NDST3: variants seen among roughly 807,000 people sequenced by gnomAD.
NDST3 encodes N-deacetylase and N-sulfotransferase 3.
A neutral mutation model predicts 96.1 loss-of-function variants in NDST3; 58 were observed. The observed-to-expected ratio is 0.60, with a 90% CI of 0.49 to 0.75. NDST3 has a LOEUF of 0.75. NDST3 is among the 30% of genes least tolerant of loss of function. The probability of loss-of-function intolerance (pLI) is 0.00; values close to 1 mark genes in which losing one functional copy is unlikely to be tolerated. For missense variants in NDST3, 788 were observed against 1,034.2 expected (o/e 0.76, Z 3.27); for synonymous variants, 333 against 359.7 (o/e 0.93, Z 0.84).
intron 3 of NDST3, among the ~76,000 whole-genome samples, chr4:118,110,924 C>T (rs950953381): frequency 1.3e-5 from 2 of 151,996 alleles, no homozygotes; most frequent in African/African-American, 4.8e-5. Context: ...AGGTGTCCAT[C>T]AATGGTGGAT....
chr4:118,255,827 C>G lies in NDST3; in HGVS notation c.*115C>G, dbSNP rs949535172. ...TACCTCTTCAAATGAGAAAAAAGAA[C>G]AGTTTCTTCCATGTGCTGGCACGTG... On this transcript the variant is annotated 3_prime_UTR_variant, in exon 14 of 14. Transcript: ENST00000296499. 1.7e-6 allele frequency: 2 copies of G among 1,206,488 alleles called. No homozygotes were observed. The highest frequency in any genetic ancestry group is 1.5e-5 in the African/African-American group (1 of 64,898). The allele number at this position is 1,206,488 out of a possible 1,614,324, so 74.7% of individuals were successfully genotyped here. A position where few individuals can be genotyped will look rare whatever the true frequency, so the allele number is the denominator to read the frequency against.
chr4:118,114,024 A>G (rs551413124), intron 3 of NDST3, among the ~76,000 whole-genome samples: 1 of 152,248 alleles, frequency 6.6e-6, no homozygotes, highest in Admixed American at 6.5e-5. Flanking sequence ...GCCAAGGAAA[A>G]TGGGAGGAAA....
chr4:118,148,019 C>A (rs115287574), intron 6 of NDST3, among the ~76,000 whole-genome samples: 10,130 of 152,204 alleles, frequency 0.067, 458 homozygotes, highest in Non-Finnish European at 0.1. Flanking sequence ...TGCCAATGGG[C>A]CAGGCGCAGT....
Position 118,054,500 on chromosome 4 carries a change from C to T in NDST3, c.590C>T (p.Pro197Leu), listed in dbSNP as rs1326319447. The change falls in exon 2 of 14, where the codon CCT becomes CTT. Residue 197 changes from proline (P) to leucine (L), a missense_variant. Transcript: ENST00000296499. ...NLAVKDCCINPHSPLIRVTKS... is the reference protein window; with the variant it reads ...NLAVKDCCINLHSPLIRVTKS... The stretch of plus-strand genomic sequence containing the variant: ...GCAGTAAAAGATTGTTGTATTAATC[C>T]TCATTCTCCATTGATTCGTGTGACC... 3 of 1,613,110 alleles carry T rather than the reference C, an allele frequency of 1.9e-6. No individual in the cohort carries two copies. Among genetic ancestry groups the T allele is most frequent in the African/African-American group, 1.3e-5 (1 of 74,908 alleles).
At chr4:118,085,491 T>C (rs1728350290) in intron 2 of NDST3, among the ~76,000 whole-genome samples, 1 of 152,218 alleles carries the variant, frequency 6.6e-6, no homozygotes, top group Non-Finnish European at 1.5e-5. Flanking sequence ...TAGATTGATG[T>C]TATAATATTG....
At chr4:118,157,927 T>C (rs547609497) in intron 6 of NDST3, among the ~76,000 whole-genome samples, 4 of 152,264 alleles carry the variant, frequency 2.6e-5, no homozygotes, top group African/African-American at 7.2e-5. Flanking sequence ...TAGTGAAATA[T>C]AGGACAAAAG....
rs947836725 is a variant in NDST3 at position 118,204,667 on chromosome 4, A to G, written c.1540-19824A>G. ...TATGCCAAACTTAAAGTATGTAAGG[A>G]AGCAACTTTAGGATAAACTTGATTT... is the stretch of plus-strand genomic sequence containing the variant. On this transcript the variant is annotated intron_variant, in intron 6 of 13. Coordinates refer to ENST00000296499, the MANE Select transcript of NDST3 (RefSeq NM_004784.3). Among the ~76,000 whole-genome samples, 4 of 144,878 alleles carry G rather than the reference A, an allele frequency of 2.8e-5. 1 individual carries two copies. The highest frequency in any genetic ancestry group is 1.0e-4 in the African/African-American group (4 of 39,234).
At chr4:118,200,149 C>T (rs948634984) in intron 6 of NDST3, among the ~76,000 whole-genome samples, 4 of 152,182 alleles carry the variant, frequency 2.6e-5, no homozygotes, top group African/African-American at 9.6e-5. Flanking sequence ...TTCTCCAAGC[C>T]CAAGCTCCAG....
chr4:118,054,588 T>C lies in NDST3; in HGVS notation c.678T>C (p.Asn226=). ...PGTDWTVFQI[N]HSAYQPVIFA... ...CTGACTGGACAGTTTTTCAGATTAA[T>C]CATTCAGCCTATCAACCAGTAATAT... The change falls in exon 2 of 14, where the codon AAT becomes AAC. Residue 226 remains asparagine, a synonymous_variant. Coordinates refer to ENST00000296499, the MANE Select transcript of NDST3 (RefSeq NM_004784.3). 1 of 1,613,352 alleles carries C rather than the reference T, an allele frequency of 6.2e-7. No homozygotes were observed. Among genetic ancestry groups the C allele is most frequent in the Non-Finnish European group, 8.5e-7 (1 of 1,179,496 alleles).
Position 118,226,904 on chromosome 4 carries a change from C to T in NDST3, c.1741C>T (p.Arg581Cys), listed in dbSNP as rs769150711. ...CATTTAGAATCCTTGCGATGACAAACGCCACAGAGACATTTGGTCTAAAGA... is the reference window on the plus strand; with the variant it reads ...CATTTAGAATCCTTGCGATGACAAATGCCACAGAGACATTTGGTCTAAAGA... ...PLWQNPCDDK[R>C]HRDIWSKEKT... The change falls in exon 8 of 14, where the codon CGC becomes TGC. Residue 581 changes from arginine (R) to cysteine (C), a missense_variant. By Grantham distance (180) the Arg-to-Cys change is radical. Coordinates refer to ENST00000296499, the MANE Select transcript of NDST3 (RefSeq NM_004784.3). 4 of 1,611,678 alleles carry T rather than the reference C, an allele frequency of 2.5e-6. No homozygotes were observed. The highest frequency in any genetic ancestry group is 3.4e-6 in the Non-Finnish European group (4 of 1,179,194).
intron 4 of NDST3, among the ~76,000 whole-genome samples, chr4:118,120,639 A>C (rs113624420): frequency 6.6e-6 from 1 of 152,162 alleles, no homozygotes. Context: ...GCCTGAGAAC[A>C]GCAATCTCTC....
At chr4:118,134,739 A>G (rs898841446) in intron 4 of NDST3, among the ~76,000 whole-genome samples, 12 of 152,144 alleles carry the variant, frequency 7.9e-5, no homozygotes, top group African/African-American at 2.9e-4. Context: ...TAAGACTATT[A>G]ATTCCACTTG....
At chr4:118,146,247 T>G (rs1042297800) in intron 6 of NDST3, among the ~76,000 whole-genome samples, 3 of 152,200 alleles carry the variant, frequency 2.0e-5, no homozygotes, top group Non-Finnish European at 1.5e-5. Context: ...ATTTGAAAGA[T>G]AGCCATTGTA....
intron 1 of NDST3, among the ~76,000 whole-genome samples, chr4:118,044,846 A>C (rs1724666299): frequency 6.6e-6 from 1 of 152,064 alleles, no homozygotes; most frequent in Non-Finnish European, 1.5e-5. Flanking sequence ...AGCCAGCCAA[A>C]CTTGCTTTTA....
intron 10 of NDST3, among the ~76,000 whole-genome samples, chr4:118,239,741 G>A (rs577471779): frequency 6.6e-6 from 1 of 152,278 alleles, no homozygotes; most frequent in Admixed American, 6.5e-5. Flanking sequence ...AGAGTTTGTA[G>A]TCCAGTGATT....
intron 6 of NDST3, among the ~76,000 whole-genome samples, chr4:118,203,191 A>C (rs11931409): frequency 0.012 from 1,806 of 152,212 alleles, 32 homozygotes; most frequent in African/African-American, 0.041. Flanking sequence ...CTAACTTTTC[A>C]ATATGCTGCT....
At chr4:118,218,730 T>C (rs189595564) in intron 6 of NDST3, among the ~76,000 whole-genome samples, 1 of 152,148 alleles carries the variant, frequency 6.6e-6, no homozygotes, top group East Asian at 1.9e-4. Context: ...GGTATTCAGA[T>C]AGGAAGAGAG....
At chr4:118,114,732 A>G in intron 3 of NDST3, 74 bp from the exon 4 acceptor site, 1 of 1,469,784 alleles carries the variant, frequency 6.8e-7, no homozygotes, top group Non-Finnish European at 9.4e-7. Flanking sequence ...AGAAAAGATT[A>G]AATAGATAAG....
At chr4:118,212,251 A>G (rs997814077) in intron 6 of NDST3, among the ~76,000 whole-genome samples, 2 of 152,246 alleles carry the variant, frequency 1.3e-5, no homozygotes, top group African/African-American at 2.4e-5. Context: ...CTGGATTAAA[A>G]GTAGAGAAAG....
Sources: gnomAD v4.1 joint callset for allele counts (sites outside exome capture counted in the v4.1 genomes callset) on GRCh38, gnomAD v4.1.1 for gene constraint, MANE v1.5 for transcripts, NCBI Gene and HGNC (gene_info 2026-07-23, HGNC 2026-07-21) for gene names.